COL22A1: variants seen among roughly 807,000 people sequenced by gnomAD.
COL22A1 encodes collagen type XXII alpha 1 chain, also known as collagen alpha-1(XXII) chain.
Under a neutral mutation model 248.9 loss-of-function variants are expected in COL22A1, and 221 were observed. That is an observed-to-expected ratio of 0.89 (90% CI 0.80 to 0.99). The LOEUF (loss-of-function observed/expected upper bound fraction) is 0.99, where lower values mean the gene tolerates loss of function less well. Among genes scored for constraint, COL22A1 ranks in the 50% least tolerant of loss-of-function variants. COL22A1 has a pLI of 0.00. For missense variants in COL22A1, 2,240 were observed against 2,179.0 expected (o/e 1.03, Z -0.56); for synonymous variants, 891 against 793.4 (o/e 1.12, Z -2.07).
intron 2 of COL22A1, 26 bp from the exon 3 acceptor site, chr8:138,878,342 G>A (rs371561093): frequency 1.7e-5 from 26 of 1,487,134 alleles, no homozygotes; most frequent in African/African-American, 1.7e-4. Context: ...AAGGGGTGGC[G>A]TAGGGCAAAT....
intron 6 of COL22A1, among the ~76,000 whole-genome samples, chr8:138,823,149 C>A (rs185670451): frequency 4.1e-4 from 62 of 152,112 alleles, no homozygotes; most frequent in Non-Finnish European, 7.3e-4. Flanking sequence ...TAAAATGGGA[C>A]CAATAGTAGT....
At chr8:138,734,675 G>A (rs571171197) in intron 23 of COL22A1, among the ~76,000 whole-genome samples, 1 of 152,268 alleles carries the variant, frequency 6.6e-6, no homozygotes, top group South Asian at 2.1e-4. Context: ...CCATTACTGG[G>A]TATATACCCA....
At chr8:138,723,100 C>T (rs1240016297) in intron 25 of COL22A1, among the ~76,000 whole-genome samples, 1 of 152,170 alleles carries the variant, frequency 6.6e-6, no homozygotes, top group Non-Finnish European at 1.5e-5. Flanking sequence ...CACACTCTTC[C>T]CCATGACTGA....
chr8:138,602,062 A>T (rs1461411835), intron 60 of COL22A1, 53 bp downstream of exon 60: 1 of 1,599,178 alleles, frequency 6.3e-7, no homozygotes, highest in Non-Finnish European at 8.6e-7. Context: ...TCCTGTGGCC[A>T]CTGTGCAAAG....
Position 138,610,044 on chromosome 8 carries a change from G to C in COL22A1, c.3979-2055C>G, listed in dbSNP as rs532718013. Reference sequence around the variant, plus strand: ...TGACAAGGACTTCTAGCACACATCAGCCAGTCTGGGTGTTTGAGCTGCAGG... The same window carrying C: ...TGACAAGGACTTCTAGCACACATCACCCAGTCTGGGTGTTTGAGCTGCAGG... On this transcript the variant is annotated intron_variant, in intron 56 of 64. Coordinates refer to ENST00000303045, the MANE Select transcript of COL22A1 (RefSeq NM_152888.3). 8.5e-5 allele frequency among the ~76,000 whole-genome samples: 13 copies of C among 152,346 alleles called. No homozygotes were observed. In the South Asian group the frequency reaches 2.7e-3, roughly 32 times the overall value.
At chr8:138,803,827 A>C (rs1038816609) in intron 10 of COL22A1, among the ~76,000 whole-genome samples, 1 of 152,164 alleles carries the variant, frequency 6.6e-6, no homozygotes, top group Non-Finnish European at 1.5e-5. Context: ...CTGAAACTTT[A>C]TCTCTCTTGT....
chr8:138,620,150 A>G (rs1283186927), intron 52 of COL22A1: 1 of 152,440 alleles, frequency 6.6e-6, no homozygotes. Flanking sequence ...CCAGGAACAG[A>G]AGACAATAAG....
rs190384239 is a variant in COL22A1, at chr8:138,724,650, C to T, written c.2212G>A (p.Gly738Ser). ...GGAGGTCCAGGCTTTCCCGGGAAGC[C>T]GATCTCTCCAGGCAAACCCTGAAAG... The part of the protein sequence containing the change: ...GGSPGLPGEI[G>S]FPGKPGPPGP... Residue 738 changes from glycine (G) to serine (S), a missense_variant, in exon 25 of 65, where the codon GGC becomes AGC. Transcript: ENST00000303045. The T allele has an allele frequency of 1.6e-4, 262 of 1,614,178 alleles. 7 individuals carry two copies. The South Asian group carries it at 2.4e-3, about 15-fold the overall frequency.
intron 25 of COL22A1, among the ~76,000 whole-genome samples, chr8:138,722,439 T>C (rs114100181): frequency 2.0e-5 from 3 of 152,342 alleles, no homozygotes; most frequent in African/African-American, 7.2e-5. Context: ...ATGTCCACAC[T>C]GCTCCTCCTC....
chr8:138,856,422 G>A (rs571386883), intron 3 of COL22A1, among the ~76,000 whole-genome samples: 1 of 152,194 alleles, frequency 6.6e-6, no homozygotes, highest in South Asian at 2.1e-4. Flanking sequence ...AAGAGAAAGA[G>A]AGAGAAAGAG....
intron 45 of COL22A1, among the ~76,000 whole-genome samples, chr8:138,654,647 A>T (rs1233055520): frequency 2.6e-5 from 4 of 152,150 alleles, no homozygotes; most frequent in African/African-American, 9.7e-5. Flanking sequence ...CACTTGCTGC[A>T]GCACCCCTGT....
At position 138,589,163 on chromosome 8, in the gene COL22A1, G is replaced by T; in HGVS notation, c.*90C>A. 2.5e-6 allele frequency: 3 copies of T among 1,200,610 alleles called. No homozygotes were observed. The highest frequency in any genetic ancestry group is 3.5e-6 in the Non-Finnish European group (3 of 847,440). 74.4% of individuals were successfully genotyped at this position (1,200,610 alleles called of 1,614,324 possible). On this transcript the variant is annotated 3_prime_UTR_variant, in exon 65 of 65. Coordinates refer to ENST00000303045, the MANE Select transcript of COL22A1 (RefSeq NM_152888.3). ...GAAAGAAAAAAAAAAGGAACACATG[G>T]CTGAAGTCTTTCAAGACCTCTGGCT...
At chr8:138,699,675 A>G (rs1398713473) in intron 32 of COL22A1, among the ~76,000 whole-genome samples, 1 of 152,164 alleles carries the variant, frequency 6.6e-6, no homozygotes, top group Non-Finnish European at 1.5e-5. Context: ...CAGTCCCCAG[A>G]ACAGCCTGAG....
chr8:138,805,734 GTATA>G, intron 10 of COL22A1, among the ~76,000 whole-genome samples: 1 of 146,818 alleles, frequency 6.8e-6, no homozygotes, highest in East Asian at 2.1e-4. Flanking sequence ...GATGGTGTGT[GTATA>G]TGTGATGGTG....
intron 23 of COL22A1, among the ~76,000 whole-genome samples, chr8:138,737,320 A>T (rs1372299073): frequency 6.6e-6 from 1 of 152,144 alleles, no homozygotes; most frequent in Non-Finnish European, 1.5e-5. Context: ...TTCCTTCAGG[A>T]TAGCCAACAA....
At chr8:138,859,359 G>A (rs564007479) in intron 3 of COL22A1, among the ~76,000 whole-genome samples, 7 of 152,346 alleles carry the variant, frequency 4.6e-5, no homozygotes, top group African/African-American at 1.4e-4. Flanking sequence ...CGGGGCAGAT[G>A]GCAAGGCCAG....
intron 7 of COL22A1, among the ~76,000 whole-genome samples, chr8:138,819,485 T>G (rs1416355300): frequency 6.6e-6 from 1 of 151,718 alleles, no homozygotes; most frequent in Non-Finnish European, 1.5e-5. Context: ...TATTACCCTC[T>G]ATGCCCAGCA....
intron 22 of COL22A1, among the ~76,000 whole-genome samples, chr8:138,748,280 T>C (rs778368368): frequency 1.3e-5 from 2 of 152,178 alleles, no homozygotes; most frequent in Non-Finnish European, 2.9e-5. Flanking sequence ...AGGTCATCTG[T>C]TTATATGCAC....
intron 59 of COL22A1, among the ~76,000 whole-genome samples, chr8:138,604,146 C>G (rs1425813243): frequency 6.6e-6 from 1 of 152,138 alleles, no homozygotes; most frequent in Admixed American, 6.5e-5. Flanking sequence ...CTTGGCACGT[C>G]TCAGGAGCTA....
Sources: gnomAD v4.1 joint callset for allele counts (sites outside exome capture counted in the v4.1 genomes callset) on GRCh38, gnomAD v4.1.1 for gene constraint, MANE v1.5 for transcripts, NCBI Gene and HGNC (gene_info 2026-07-23, HGNC 2026-07-21) for gene names.